Variants in LRRIQ1 observed in about 807,000 individuals in gnomAD.
LRRIQ1 encodes the protein leucine rich repeats and IQ motif containing 1.
LRRIQ1 carries 210 observed loss-of-function variants against 211.9 expected under a neutral mutation model. That is an observed-to-expected ratio of 0.99 (90% CI 0.89 to 1.11). The LOEUF (loss-of-function observed/expected upper bound fraction) is 1.11. LRRIQ1 is among the 50% of genes most tolerant of loss of function. LRRIQ1 has a pLI of 0.00. For synonymous variants in LRRIQ1, 699 were observed against 650.1 expected, an observed-to-expected ratio of 1.08 and a Z score of -1.14; for missense variants, 2,136 against 1,939.5, an observed-to-expected ratio of 1.10 and a Z score of -1.90.
chr12:85,229,422 C>A (rs1336665309), intron 24 of LRRIQ1, 95 bp from the exon 25 acceptor site: 1 of 975,188 alleles, frequency 1.0e-6, no homozygotes, highest in Non-Finnish European at 1.4e-6. Flanking sequence ...ATTTTTTTTT[C>A]TTTCTTGTGA....
intron 24 of LRRIQ1, among the ~76,000 whole-genome samples, chr12:85,180,844 A>G (rs1891944990): frequency 1.3e-5 from 2 of 151,774 alleles, no homozygotes; most frequent in Admixed American, 6.6e-5. Flanking sequence ...TACATTTTAA[A>G]ATATGGTGTG....
intron 24 of LRRIQ1, among the ~76,000 whole-genome samples, chr12:85,161,626 T>G (rs1312922002): frequency 6.6e-6 from 1 of 152,172 alleles, no homozygotes; most frequent in East Asian, 1.9e-4. Context: ...GATTTACATT[T>G]CTGTTTTGTA....
intron 24 of LRRIQ1, among the ~76,000 whole-genome samples, chr12:85,205,234 C>A (rs1188636330): frequency 6.6e-6 from 1 of 152,150 alleles, no homozygotes; most frequent in Non-Finnish European, 1.5e-5. Flanking sequence ...TCCAATTAAA[C>A]CTCTTTCTTT....
At chr12:85,259,513 T>G (rs1410666400) in intron 1 of LRRIQ1, among the ~76,000 whole-genome samples, 1 of 152,112 alleles carries the variant, frequency 6.6e-6, no homozygotes, top group Admixed American at 6.6e-5. Flanking sequence ...ATTTGGGAAT[T>G]TATATGATAA....
intron 10 of LRRIQ1, among the ~76,000 whole-genome samples, 179 bp downstream of exon 10, chr12:85,067,077 C>A (rs909531304): frequency 4.0e-5 from 6 of 151,746 alleles, no homozygotes; most frequent in African/African-American, 1.2e-4. Context: ...GGAATATGCT[C>A]TCCCACCACT....
At chr12:85,197,953 T>TA (rs1364840592) in intron 24 of LRRIQ1, among the ~76,000 whole-genome samples, 13 of 108,240 alleles carry the variant, frequency 1.2e-4, no homozygotes, top group Non-Finnish European at 2.3e-4. Context: ...TTATATATAA[T>TA]TATATATTAT....
chr12:85,220,212 TC>T (rs1894334636), intron 24 of LRRIQ1, among the ~76,000 whole-genome samples: 1 of 152,140 alleles, frequency 6.6e-6, no homozygotes, highest in African/African-American at 2.4e-5. Flanking sequence ...TGAACTCATC[TC>T]TATTAATGAA....
intron 16 of LRRIQ1, among the ~76,000 whole-genome samples, chr12:85,123,285 T>C (rs1320575953): frequency 6.6e-6 from 1 of 152,038 alleles, no homozygotes; most frequent in Non-Finnish European, 1.5e-5. Context: ...TTTTATATAC[T>C]GTATTTTTTC....
chr12:85,172,547 C>T (rs1891469658), intron 24 of LRRIQ1, among the ~76,000 whole-genome samples: 2 of 152,082 alleles, frequency 1.3e-5, no homozygotes, highest in Admixed American at 1.3e-4. Context: ...AAATGAGAAT[C>T]TAAGGGCTTC....
chr12:85,260,573 G>T (rs1045817122), intron 1 of LRRIQ1, among the ~76,000 whole-genome samples: 1 of 151,964 alleles, frequency 6.6e-6, no homozygotes, highest in African/African-American at 2.4e-5. Flanking sequence ...TATCAAAATT[G>T]TAAAGTTACT....
rs1324034251 is a variant in LRRIQ1, at chr12:85,084,763, TA to T, written c.2887+11670del. On this transcript the variant is annotated intron_variant, in intron 11 of 26. Coordinates refer to ENST00000393217, the MANE Select transcript of LRRIQ1 (RefSeq NM_001079910.2). ...CAACATGGTGAAACCCTGTCTCTAC[TA>T]AAAATACAAAAATTAGCCAGGCATG... Among the ~76,000 whole-genome samples, 4 of 151,894 alleles carry T rather than the reference TA, an allele frequency of 2.6e-5. No homozygotes were observed. In the South Asian group the frequency reaches 6.2e-4, roughly 24 times the overall value.
chr12:85,055,714 T>G lies in LRRIQ1; in HGVS notation c.921T>G (p.Ile307Met). Residue 307 changes from isoleucine (I) to methionine (M), a missense_variant, in exon 8 of 27, where the codon ATT becomes ATG. Transcript: ENST00000393217. ...CCTATCAAAAATATGGCCCAATTAT[T>G]AAAGAGCAAATTGAAAGTAAGAAAA... ...FVAYQKYGPI[I>M]KEQIESKKRK... 6.2e-7 allele frequency: 1 copy of G among 1,607,390 alleles called. No homozygotes were observed. The highest frequency in any genetic ancestry group is 1.1e-5 in the South Asian group (1 of 89,196).
At chr12:85,237,348 A>C (rs1895236799) in intron 26 of LRRIQ1, among the ~76,000 whole-genome samples, 1 of 152,110 alleles carries the variant, frequency 6.6e-6, no homozygotes. Flanking sequence ...GCCTAAAGAG[A>C]GCTCAGTAGT....
At position 85,124,081 on chromosome 12, in the gene LRRIQ1, C is replaced by T; in HGVS notation, c.3569C>T (p.Thr1190Ile). Residue 1190 changes from threonine (T) to isoleucine (I), a missense_variant, in exon 17 of 27, where the codon ACC (threonine) becomes ATC (isoleucine). Transcript: ENST00000393217. ...ATTTATTTGTTCAGAGATGTATTTACCTTGGATACTGCAGAAAATCTCTGT... is the reference window on the plus strand; with the variant it reads ...ATTTATTTGTTCAGAGATGTATTTATCTTGGATACTGCAGAAAATCTCTGT... ...NYITGKGDVF[T>I]LDTAENLCHY... 1.2e-6 allele frequency: 2 copies of T among 1,605,714 alleles called. No homozygotes were observed. Among genetic ancestry groups the T allele is most frequent in the Non-Finnish European group, 1.7e-6 (2 of 1,172,756 alleles).
chr12:85,041,014 A>C (rs552113723), intron 3 of LRRIQ1, among the ~76,000 whole-genome samples: 21 of 151,818 alleles, frequency 1.4e-4, no homozygotes, highest in African/African-American at 4.6e-4. Context: ...AATTGTTCTA[A>C]GACTAATGGA....
chr12:85,125,127 C>A (rs962653356), intron 17 of LRRIQ1, among the ~76,000 whole-genome samples: 1 of 151,850 alleles, frequency 6.6e-6, no homozygotes. Flanking sequence ...TGCAGTGAGC[C>A]GAGATCACGC....
At chr12:85,106,417 A>G in intron 14 of LRRIQ1, 105 bp from the exon 15 acceptor site, 1 of 752,466 alleles carries the variant, frequency 1.3e-6, no homozygotes, top group Non-Finnish European at 2.2e-6. Context: ...AAATAAAAAT[A>G]TTGCTTTTCT....
chr12:85,105,796 A>ATTTTTTTTTTTTTTTTTTTTAT, intron 14 of LRRIQ1, among the ~76,000 whole-genome samples: 1 of 127,712 alleles, frequency 7.8e-6, no homozygotes, highest in Non-Finnish European at 1.6e-5. Flanking sequence ...CTTTCTTTCT[A>ATTTTTTTTTTTTTTTTTTTTAT]TTTTTTTTTT....
chr12:85,241,900 T>G (rs879277828), intron 26 of LRRIQ1, among the ~76,000 whole-genome samples: 5 of 152,006 alleles, frequency 3.3e-5, no homozygotes, highest in Non-Finnish European at 4.4e-5. Flanking sequence ...AGAGAATCTC[T>G]TTTTTAATTA....
Sources: allele counts gnomAD v4.1 joint callset (sites outside exome capture counted in the v4.1 genomes callset), GRCh38; gene constraint gnomAD v4.1.1; transcripts MANE v1.5; gene names NCBI Gene and HGNC (gene_info 2026-07-23, HGNC 2026-07-21).